The following CSMD1 variants were observed in gnomAD, a reference collection of about 807,000 sequenced individuals.
CSMD1 encodes the protein CUB and Sushi multiple domains 1.
CSMD1 carries 213 observed loss-of-function variants against 417.5 expected under a neutral mutation model. The ratio of observed to expected loss-of-function variants is 0.51; its 90% CI spans 0.46 to 0.57. The LOEUF is 0.57. Ranked by LOEUF, CSMD1 falls within the 20% of genes least tolerant of loss-of-function variation. The pLI is 0.00. For missense variants in CSMD1, 6,923 were observed against 4,529.7 expected, an observed-to-expected ratio of 1.53 and a Z score of -15.17; for synonymous variants, 2,862 against 1,736.8, an observed-to-expected ratio of 1.65 and a Z score of -16.11.
chr8:3,832,146 C>A (rs566292232), intron 5 of CSMD1, among the ~76,000 whole-genome samples: 70 of 152,210 alleles, frequency 4.6e-4, no homozygotes, highest in African/African-American at 1.4e-3. Flanking sequence ...TATTTATGGG[C>A]CAGCCTCTGA....
At chr8:2,991,440 A>T (rs544285618) in intron 54 of CSMD1, among the ~76,000 whole-genome samples, 1 of 152,370 alleles carries the variant, frequency 6.6e-6, no homozygotes, top group Admixed American at 6.5e-5. Flanking sequence ...TATATTCATC[A>T]AAATGAAACC....
At chr8:3,727,809 G>A (rs1802581553) in intron 6 of CSMD1, among the ~76,000 whole-genome samples, 1 of 152,200 alleles carries the variant, frequency 6.6e-6, no homozygotes. Flanking sequence ...GCAGGTACAT[G>A]CCACAGATGG....
chr8:2,955,827 T>C (rs916705933), intron 63 of CSMD1, 59 bp from the exon 64 acceptor site: 2 of 1,483,594 alleles, frequency 1.3e-6, no homozygotes, highest in Non-Finnish European at 1.9e-6. Flanking sequence ...CACATGTGTC[T>C]AGAGAAATTA....
At chr8:3,515,170 T>G (rs1797234643) in intron 10 of CSMD1, 1 of 152,214 alleles carries the variant, frequency 6.6e-6, no homozygotes, top group Admixed American at 6.5e-5. Flanking sequence ...GTCATGAAAG[T>G]CCTACTCTCT....
At chr8:4,504,871 C>G (rs145789654) in intron 2 of CSMD1, among the ~76,000 whole-genome samples, 2 of 152,286 alleles carry the variant, frequency 1.3e-5, no homozygotes, top group East Asian at 3.9e-4. Flanking sequence ...TTTTCTCTAT[C>G]CAGTCTGTCA....
intron 52 of CSMD1, among the ~76,000 whole-genome samples, chr8:3,008,411 G>A (rs929193260): frequency 6.6e-6 from 1 of 152,218 alleles, no homozygotes; most frequent in African/African-American, 2.4e-5. Context: ...GCAGTTTATA[G>A]AATTCAACAC....
chr8:3,984,721 A>G (rs1197095306), intron 5 of CSMD1, among the ~76,000 whole-genome samples: 1 of 57,364 alleles, frequency 1.7e-5, no homozygotes, highest in African/African-American at 7.0e-5. Flanking sequence ...ATATATATAT[A>G]TATATATATA....
At chr8:4,520,134 A>G (rs1803359598) in intron 2 of CSMD1, among the ~76,000 whole-genome samples, 1 of 152,188 alleles carries the variant, frequency 6.6e-6, no homozygotes, top group African/African-American at 2.4e-5. Context: ...CATCTGAAAG[A>G]GCAAAGTGGT....
Position 3,108,690 on chromosome 8 carries a change from C to G in CSMD1, c.6667G>C (p.Glu2223Gln). 6.2e-7 allele frequency: 1 copy of G among 1,613,596 alleles called. No homozygotes were observed. Among genetic ancestry groups the G allele is most frequent in the Non-Finnish European group, 8.5e-7 (1 of 1,179,748 alleles). ...LGVFSGNTALETAYSSTNQVL... is the reference protein window; with the variant it reads ...LGVFSGNTALQTAYSSTNQVL... ...TGGTTGGTGGAGCTATACGCCGTTTCGAGGGCTGTGTTGCCACTGAAAACT... is the reference window on the plus strand; with the variant it reads ...TGGTTGGTGGAGCTATACGCCGTTTGGAGGGCTGTGTTGCCACTGAAAACT... Residue 2223 changes from glutamate (E) to glutamine (Q), a missense_variant, in exon 44 of 70, where the codon GAA becomes CAA. Coordinates refer to ENST00000635120, the MANE Select transcript of CSMD1 (RefSeq NM_033225.6).
At chr8:3,514,518 T>A (rs1185569032) in intron 10 of CSMD1, among the ~76,000 whole-genome samples, 1 of 152,206 alleles carries the variant, frequency 6.6e-6, no homozygotes, top group Non-Finnish European at 1.5e-5. Context: ...TTAATGACAA[T>A]CACTTAAAAG....
rs375518079 is a variant in CSMD1, at chr8:4,063,816, T to C, written c.416-31717A>G. On this transcript the variant is annotated intron_variant, in intron 3 of 69. Coordinates refer to ENST00000635120, the MANE Select transcript of CSMD1 (RefSeq NM_033225.6). ...TAAACCTGCATCTATCTGAGAGCAC[T>C]TTGAATGTGGTAAGAAGGAACCAGG... is the stretch of plus-strand genomic sequence containing the variant. 2.0e-5 allele frequency among the ~76,000 whole-genome samples: 3 copies of C among 152,268 alleles called. No individual in the cohort carries two copies. The East Asian group carries it at 5.8e-4, about 29-fold the overall frequency.
intron 3 of CSMD1, among the ~76,000 whole-genome samples, chr8:4,258,824 G>A (rs1490854060): frequency 6.6e-6 from 1 of 152,108 alleles, no homozygotes; most frequent in Non-Finnish European, 1.5e-5. Flanking sequence ...GCAGCAGAAA[G>A]ATCAGGAGCC....
At chr8:3,889,149 G>A (rs1462354324) in intron 5 of CSMD1, among the ~76,000 whole-genome samples, 1 of 151,848 alleles carries the variant, frequency 6.6e-6, no homozygotes, top group Non-Finnish European at 1.5e-5. Context: ...AAAAATCAGT[G>A]TTTAGAAAAC....
At chr8:3,119,785 C>G (rs1225822824) in intron 41 of CSMD1, among the ~76,000 whole-genome samples, 1 of 152,168 alleles carries the variant, frequency 6.6e-6, no homozygotes, top group Non-Finnish European at 1.5e-5. Context: ...GCAGCAAAGC[C>G]ACACCATGCA....
chr8:4,823,018 G>A (rs1424033196), intron 1 of CSMD1, among the ~76,000 whole-genome samples: 1 of 152,064 alleles, frequency 6.6e-6, no homozygotes, highest in Non-Finnish European at 1.5e-5. Flanking sequence ...ACAATTTGCA[G>A]TTCTCATTCC....
chr8:4,818,974 C>G (rs183989031), intron 1 of CSMD1, among the ~76,000 whole-genome samples: 19 of 151,960 alleles, frequency 1.3e-4, no homozygotes, highest in African/African-American at 4.1e-4. Context: ...GACTTGATTT[C>G]TTCATTTGCA....
At chr8:3,524,371 G>C in intron 10 of CSMD1, among the ~76,000 whole-genome samples, 1 of 134,528 alleles carries the variant, frequency 7.4e-6, no homozygotes, top group Middle Eastern at 6.3e-3. Flanking sequence ...GCACACAAGT[G>C]CACACATGCA....
intron 14 of CSMD1, among the ~76,000 whole-genome samples, chr8:3,407,321 G>C (rs2116902278): frequency 6.6e-6 from 1 of 152,016 alleles, no homozygotes; most frequent in South Asian, 2.1e-4. Context: ...ATGGATGAAT[G>C]GATGGACACA....
At chr8:4,824,161 C>T (rs1585162766) in intron 1 of CSMD1, among the ~76,000 whole-genome samples, 1 of 151,576 alleles carries the variant, frequency 6.6e-6, no homozygotes, top group Non-Finnish European at 1.5e-5. Flanking sequence ...CAATTGATGC[C>T]TATATATATT....
Sources: gnomAD v4.1 joint callset for allele counts (sites outside exome capture counted in the v4.1 genomes callset) on GRCh38, gnomAD v4.1.1 for gene constraint, MANE v1.5 for transcripts, NCBI Gene and HGNC (gene_info 2026-07-23, HGNC 2026-07-21) for gene names.